Variants in CDYL observed in about 807,000 individuals in gnomAD.
CDYL encodes the protein chromodomain Y-like protein.
A neutral mutation model predicts 47.3 loss-of-function variants in CDYL; 8 were observed. The ratio of observed to expected loss-of-function variants is 0.17; its 90% CI spans 0.10 to 0.31. The LOEUF is 0.31. Among genes scored for constraint, CDYL ranks in the 10% least tolerant of loss-of-function variants. The pLI, the probability that CDYL is intolerant of heterozygous loss-of-function variation, is 1.00. For missense variants in CDYL, 471 were observed against 701.4 expected, an observed-to-expected ratio of 0.67 and a Z score of 3.71; for synonymous variants, 266 against 265.0, an observed-to-expected ratio of 1.00 and a Z score of -0.04.
intron 1 of CDYL, among the ~76,000 whole-genome samples, chr6:4,792,957 T>A (rs1440438415): frequency 2.6e-5 from 4 of 152,204 alleles, no homozygotes; most frequent in African/African-American, 4.8e-5. Context: ...ATTTGCCACC[T>A]CTGTCATAGA....
chr6:4,897,215 A>G (rs75710776), intron 2 of CDYL, among the ~76,000 whole-genome samples: 7,561 of 152,344 alleles, frequency 0.05, 697 homozygotes, highest in African/African-American at 0.17. Flanking sequence ...TTCCGTAAGT[A>G]TGAAATTTCA....
intron 3 of CDYL, among the ~76,000 whole-genome samples, chr6:4,752,398 A>G (rs1343922139): frequency 1.3e-5 from 2 of 152,192 alleles, no homozygotes; most frequent in Non-Finnish European, 2.9e-5. Context: ...TGGCTTGACA[A>G]CTTTAAAAAT....
chr6:4,937,818 A>G (rs1354161403), intron 4 of CDYL, 81 bp downstream of exon 4: 5 of 1,063,584 alleles, frequency 4.7e-6, no homozygotes, highest in Non-Finnish European at 5.5e-6. Context: ...GGGCCTGACC[A>G]AGCCTTGAGA....
intron 2 of CDYL, among the ~76,000 whole-genome samples, chr6:4,909,095 T>C (rs1451905455): frequency 6.6e-6 from 1 of 152,242 alleles, no homozygotes; most frequent in African/African-American, 2.4e-5. Context: ...TTCTCTGTAT[T>C]TCACCTGACG....
At position 4,751,622 on chromosome 6, in the gene CDYL, T is replaced by C. The variant is rs9405779; in HGVS notation, c.186+16778T>C. 2.1e-3 allele frequency among the ~76,000 whole-genome samples: 325 copies of C among 152,328 alleles called. 7 individuals are homozygous for C. In the East Asian group the frequency reaches 0.053, roughly 25 times the overall value. ...GTAAGAATAGGATGAACACCCTAGA[T>C]TCCCATAATACATCCCCCATTCAGG... On this transcript the variant is annotated intron_variant, in intron 3 of 8. Coordinates refer to the CDYL transcript ENST00000328908.
At chr6:4,734,849 G>T in intron 3 of CDYL, 2 of 1,613,966 alleles carry the variant, frequency 1.2e-6, no homozygotes, top group South Asian at 1.1e-5. Context: ...TTACAGGTAG[G>T]TCTTGGTTTC....
chr6:4,900,779 G>GTGTGTATATATGTATGTGTATATA, intron 2 of CDYL, among the ~76,000 whole-genome samples: 1 of 51,700 alleles, frequency 1.9e-5, no homozygotes, highest in Non-Finnish European at 4.1e-5. Context: ...GTATACGTGT[G>GTGTGTATATATGTATGTGTATATA]TATATATATA....
At chr6:4,718,751 C>T (rs953962940) in intron 2 of CDYL, among the ~76,000 whole-genome samples, 2 of 151,946 alleles carry the variant, frequency 1.3e-5, no homozygotes, top group African/African-American at 4.8e-5. Context: ...AAAAACAAAA[C>T]TTGGATGTTG....
intron 3 of CDYL, among the ~76,000 whole-genome samples, chr6:4,759,398 C>T (rs1315202693): frequency 6.6e-6 from 1 of 152,052 alleles, no homozygotes; most frequent in African/African-American, 2.4e-5. Context: ...ATTCACTTTC[C>T]ATCTTATTTA....
At chr6:4,781,362 A>G (rs1021112962) in intron 1 of CDYL, among the ~76,000 whole-genome samples, 3 of 152,182 alleles carry the variant, frequency 2.0e-5, no homozygotes, top group Admixed American at 6.5e-5. Context: ...CCTTTCATGG[A>G]TGTTGGCCAA....
intron 1 of CDYL, among the ~76,000 whole-genome samples, chr6:4,788,569 C>T (rs1300689787): frequency 6.6e-6 from 1 of 151,236 alleles, no homozygotes; most frequent in African/African-American, 2.4e-5. Flanking sequence ...AAAAGGAACC[C>T]TTGGGGCAAA....
chr6:4,866,015 G>A (rs1761309328), intron 1 of CDYL, among the ~76,000 whole-genome samples: 1 of 152,160 alleles, frequency 6.6e-6, no homozygotes, highest in Admixed American at 6.5e-5. Flanking sequence ...CACTAGGCCA[G>A]AAAGCAGTTA....
chr6:4,888,302 C>G (rs1761952666), intron 1 of CDYL, among the ~76,000 whole-genome samples: 1 of 151,766 alleles, frequency 6.6e-6, no homozygotes, highest in Non-Finnish European at 1.5e-5. Flanking sequence ...TAATCCTATG[C>G]TTTTTTTAAG....
chr6:4,797,138 C>A lies in CDYL; in HGVS notation c.24+20331C>A, dbSNP rs145838653. Among the ~76,000 whole-genome samples the A allele has an allele frequency of 7.4e-3, 1,132 of 152,120 alleles. 10 individuals are homozygous for A. The highest frequency in any genetic ancestry group is 0.014 in the Middle Eastern group (4 of 294). On this transcript the variant is annotated intron_variant, in intron 1 of 6. Transcript: ENST00000397588. ...TGACATGTATCTAGAATTTTTAATT[C>A]TTTTCAGTGTACCAAAAATGAAATA...
intron 1 of CDYL, among the ~76,000 whole-genome samples, chr6:4,854,054 G>A (rs1760931887): frequency 6.6e-6 from 1 of 152,206 alleles, no homozygotes; most frequent in Non-Finnish European, 1.5e-5. Context: ...TGTGTACTTT[G>A]CACACGTGTC....
At chr6:4,725,131 G>T (rs535361819) in intron 2 of CDYL, among the ~76,000 whole-genome samples, 35 of 152,334 alleles carry the variant, frequency 2.3e-4, no homozygotes, top group African/African-American at 7.7e-4. Context: ...TAGACACAGG[G>T]TTTGTGTCTA....
intron 1 of CDYL, among the ~76,000 whole-genome samples, chr6:4,794,788 G>A (rs532931581): frequency 3.3e-5 from 5 of 152,222 alleles, no homozygotes; most frequent in East Asian, 3.9e-4. Flanking sequence ...TGTTGTTGTT[G>A]TTGTTGGTCT....
At chr6:4,798,602 C>T (rs185678336) in intron 1 of CDYL, among the ~76,000 whole-genome samples, 3 of 152,230 alleles carry the variant, frequency 2.0e-5, no homozygotes, top group Non-Finnish European at 4.4e-5. Flanking sequence ...ATGTCAGTGC[C>T]TTGAGGAATT....
At chr6:4,788,480 C>CAAAAAAAAA (rs1220969716) in intron 1 of CDYL, among the ~76,000 whole-genome samples, 2 of 61,064 alleles carry the variant, frequency 3.3e-5, no homozygotes, top group African/African-American at 7.4e-5. Flanking sequence ...GAGACTCTGT[C>CAAAAAAAAA]AAAAAAAAAA....
Sources: gnomAD v4.1 joint callset for allele counts (sites outside exome capture counted in the v4.1 genomes callset) on GRCh38, gnomAD v4.1.1 for gene constraint, MANE v1.5 for transcripts, NCBI Gene and HGNC (gene_info 2026-07-23, HGNC 2026-07-21) for gene names.